SLIT1: variants seen among roughly 807,000 people sequenced by gnomAD.
SLIT1 encodes the protein slit guidance ligand 1.
In SLIT1, 66 loss-of-function variants were observed where a neutral mutation model predicts 186.1. The ratio of observed to expected loss-of-function variants is 0.35; its 90% CI spans 0.29 to 0.44. SLIT1 has a LOEUF of 0.44. Ranked by LOEUF, SLIT1 falls within the 20% of genes least tolerant of loss-of-function variation. The pLI is 1.00. For missense variants in SLIT1, 1,638 were observed against 2,037.4 expected, an observed-to-expected ratio of 0.80 and a Z score of 3.77; for synonymous variants, 761 against 833.8, an observed-to-expected ratio of 0.91 and a Z score of 1.50.
In SLIT1 at chr10:97,135,707, G is replaced by T. The variant is rs371387775; in HGVS notation, c.413+22111C>A. ...CTGTACTTGGGTCTCTCCCCAGCGG[G>T]GCTGCTCAGTCAAGTGGAGGAGGGG... On this transcript the variant is annotated intron_variant, in intron 4 of 36. Coordinates refer to ENST00000266058, the MANE Select transcript of SLIT1 (RefSeq NM_003061.3). Among the ~76,000 whole-genome samples the T allele has an allele frequency of 1.1e-4, 16 of 152,314 alleles. No homozygotes were observed. The East Asian group carries it at 2.3e-3, about 22-fold the overall frequency.
At chr10:97,170,118 G>A (rs4917759) in intron 1 of SLIT1, among the ~76,000 whole-genome samples, 34,056 of 152,140 alleles carry the variant, frequency 0.22, 4,007 homozygotes, top group Non-Finnish European at 0.25. Context: ...CAACAATATC[G>A]GCGGCTCCCC....
chr10:97,064,299 G>A, intron 6 of SLIT1, 60 bp from the exon 7 acceptor site: 1 of 1,415,318 alleles, frequency 7.1e-7, no homozygotes, highest in Non-Finnish European at 9.9e-7. Context: ...TGTGGGACAG[G>A]GCCGCCCTGC....
At chr10:97,134,095 C>T in intron 4 of SLIT1, among the ~76,000 whole-genome samples, 1 of 152,156 alleles carries the variant, frequency 6.6e-6, no homozygotes, top group East Asian at 1.9e-4. Context: ...GAACCTCGGT[C>T]AGATTCCTTG....
intron 4 of SLIT1, among the ~76,000 whole-genome samples, chr10:97,133,008 T>A (rs776479522): frequency 1.3e-5 from 2 of 152,152 alleles, no homozygotes; most frequent in Non-Finnish European, 2.9e-5. Context: ...AGTCACCAGC[T>A]AACGTCCCCC....
chr10:97,019,429 G>A (rs1848483609), intron 26 of SLIT1, among the ~76,000 whole-genome samples: 2 of 152,092 alleles, frequency 1.3e-5, no homozygotes, highest in South Asian at 2.1e-4. Flanking sequence ...ATGTAAGAAG[G>A]GGACAGTTGC....
intron 4 of SLIT1, among the ~76,000 whole-genome samples, chr10:97,142,552 T>C (rs1379149312): frequency 6.6e-6 from 1 of 152,188 alleles, no homozygotes; most frequent in Non-Finnish European, 1.5e-5. Context: ...TTCATGACAT[T>C]GGACTTGGCA....
In SLIT1 at chr10:97,004,292, C is replaced by A. The variant is rs919623602; in HGVS notation, c.3711-70G>T. Reference sequence around the variant, plus strand: ...CTGGACCATCCCTGCCTGGGCACTTCCCCAGAAACACCAGTAGCTGCTTCC... The same window carrying A: ...CTGGACCATCCCTGCCTGGGCACTTACCCAGAAACACCAGTAGCTGCTTCC... On this transcript the variant is annotated intron_variant, in intron 33 of 36. Coordinates refer to ENST00000266058, the MANE Select transcript of SLIT1 (RefSeq NM_003061.3). The surrounding 1 kb of genome is among the most constrained non-coding windows in gnomAD (Gnocchi z 5.1). 6 of 1,475,674 alleles carry A rather than the reference C, an allele frequency of 4.1e-6. No individual in the cohort carries two copies. The highest frequency in any genetic ancestry group is 2.3e-5 in the East Asian group (1 of 43,606). 91.4% of individuals were successfully genotyped at this position (1,475,674 alleles called of 1,614,324 possible). A position where few individuals can be genotyped will look rare whatever the true frequency, so the allele number is the denominator to read the frequency against.
rs762680486 is a variant in SLIT1, at chr10:97,010,056, G to A, written c.3341+937C>T. Among the ~76,000 whole-genome samples the A allele has an allele frequency of 3.3e-5, 5 of 152,116 alleles. No homozygotes were observed. Among genetic ancestry groups the A allele is most frequent in the South Asian group, 2.1e-4 (1 of 4,832 alleles). On this transcript the variant is annotated intron_variant, in intron 31 of 36. Coordinates refer to ENST00000266058, the MANE Select transcript of SLIT1 (RefSeq NM_003061.3). This position sits in a 1 kb window ranked among gnomAD's most constrained non-coding sequence, Gnocchi z 4.8. ...TACGACTCAGAAAATCCACTCCTAC[G>A]CATATACCCAAGAGACTGAAAAATG...
intron 22 of SLIT1, 73 bp from the exon 23 acceptor site, chr10:97,034,615 C>T (rs1564658218): frequency 2.2e-6 from 3 of 1,336,204 alleles, no homozygotes; most frequent in African/African-American, 1.4e-5. Context: ...GGCTTCTTCC[C>T]CTCCCTCACT....
At chr10:97,054,093 C>A (rs949720251) in intron 13 of SLIT1, among the ~76,000 whole-genome samples, 4 of 151,930 alleles carry the variant, frequency 2.6e-5, no homozygotes, top group African/African-American at 9.7e-5. Context: ...AACAACCGCT[C>A]GGCTTCTGGT....
intron 1 of SLIT1, among the ~76,000 whole-genome samples, chr10:97,176,495 C>CAG (rs1254580644): frequency 6.6e-6 from 1 of 152,202 alleles, no homozygotes; most frequent in African/African-American, 2.4e-5. Context: ...TCTCCTGAGC[C>CAG]TGCTCCCCCT....
intron 29 of SLIT1, 27 bp from the exon 30 acceptor site, chr10:97,013,861 G>A (rs994137535): frequency 6.5e-7 from 1 of 1,546,178 alleles, no homozygotes; most frequent in Non-Finnish European, 8.8e-7. Context: ...CAAGGGGCAG[G>A]AGAGAAGCTG....
rs1053429389 is a variant in SLIT1, at chr10:97,021,024, A to G, written c.2746+226T>C. ...ATTTTTATTTTCCTTATGTAACCAC[A>G]GGGAGGGATTACGGCCCTGACGGCC... On this transcript the variant is annotated intron_variant, in intron 26 of 36. Coordinates refer to ENST00000266058, the MANE Select transcript of SLIT1 (RefSeq NM_003061.3). The surrounding 1 kb of genome is among the most constrained non-coding windows in gnomAD (Gnocchi z 4.5). 6.6e-6 allele frequency among the ~76,000 whole-genome samples: 1 copy of G among 152,242 alleles called. No homozygotes were observed. Among genetic ancestry groups the G allele is most frequent in the African/African-American group, 2.4e-5 (1 of 41,464 alleles).
intron 30 of SLIT1, among the ~76,000 whole-genome samples, chr10:97,011,919 A>G (rs1390676393): frequency 6.6e-6 from 1 of 152,104 alleles, no homozygotes; most frequent in Non-Finnish European, 1.5e-5. Context: ...AGAGCACTCC[A>G]GCCCTCACTG....
intron 1 of SLIT1, among the ~76,000 whole-genome samples, chr10:97,179,361 A>G (rs763228575): frequency 6.6e-6 from 1 of 152,194 alleles, no homozygotes; most frequent in African/African-American, 2.4e-5. Context: ...TGGGAGGCTG[A>G]GTGGGAGGAT....
chr10:97,120,170 G>C (rs892591702), intron 4 of SLIT1, among the ~76,000 whole-genome samples: 7 of 151,982 alleles, frequency 4.6e-5, no homozygotes, highest in Non-Finnish European at 1.0e-4. Flanking sequence ...TGCACAGCTA[G>C]TAAGGTGCAG....
At chr10:97,055,421 G>T (rs945982364) in intron 13 of SLIT1, among the ~76,000 whole-genome samples, 40 of 152,212 alleles carry the variant, frequency 2.6e-4, no homozygotes, top group African/African-American at 9.2e-4. Context: ...AGTGCAGGGG[G>T]TGTGGCCACA....
intron 31 of SLIT1, among the ~76,000 whole-genome samples, chr10:97,007,284 C>A (rs976076913): frequency 1.6e-4 from 25 of 152,058 alleles, no homozygotes; most frequent in African/African-American, 6.0e-4. Context: ...TATGAATAGA[C>A]CTATAACTAG....
chr10:97,014,684 T>C (rs187968112), intron 28 of SLIT1, among the ~76,000 whole-genome samples: 60 of 152,076 alleles, frequency 3.9e-4, no homozygotes, highest in African/African-American at 1.3e-3. Flanking sequence ...CTGGCCAACA[T>C]GGGGAAACGC....
Sources: gnomAD v4.1 joint callset for allele counts (sites outside exome capture counted in the v4.1 genomes callset) on GRCh38, gnomAD v4.1.1 for gene constraint, Gnocchi (gnomAD v3.1) non-coding constraint, MANE v1.5 for transcripts, NCBI Gene and HGNC (gene_info 2026-07-23, HGNC 2026-07-21) for gene names.